The following ADCY2 variants were observed in gnomAD, a reference collection of about 807,000 sequenced individuals.
ADCY2 encodes adenylate cyclase type 2.
A neutral mutation model predicts 125.2 loss-of-function variants in ADCY2; 31 were observed. The observed-to-expected ratio is 0.25, with a 90% CI of 0.19 to 0.33. The LOEUF (loss-of-function observed/expected upper bound fraction) is 0.33. Among genes scored for constraint, ADCY2 ranks in the 10% least tolerant of loss-of-function variants. ADCY2 has a pLI of 1.00. For synonymous variants in ADCY2, 512 were observed against 548.4 expected, an observed-to-expected ratio of 0.93 and a Z score of 0.93; for missense variants, 904 against 1,418.2, an observed-to-expected ratio of 0.64 and a Z score of 5.82.
chr5:7,541,224 C>A (rs1734983803), intron 3 of ADCY2, among the ~76,000 whole-genome samples: 1 of 152,110 alleles, frequency 6.6e-6, no homozygotes, highest in African/African-American at 2.4e-5. Flanking sequence ...GAAAATGTAG[C>A]CTGCAGGGTT....
At chr5:7,795,651 G>A (rs1008405258) in intron 20 of ADCY2, 1 of 152,218 alleles carries the variant, frequency 6.6e-6, no homozygotes. Context: ...TGGTGATACT[G>A]CTCTGTGAGT....
chr5:7,581,307 AACAC>A (rs111407808), intron 3 of ADCY2, among the ~76,000 whole-genome samples: 1 of 152,152 alleles, frequency 6.6e-6, no homozygotes, highest in African/African-American at 2.4e-5. Context: ...CACACATACA[AACAC>A]ACATATATTT....
intron 3 of ADCY2, among the ~76,000 whole-genome samples, chr5:7,606,605 A>T (rs762608511): frequency 6.6e-6 from 1 of 152,158 alleles, no homozygotes; most frequent in Non-Finnish European, 1.5e-5. Context: ...CTGAAGTGTG[A>T]TCCCCTCATT....
chr5:7,546,021 A>T (rs1735136651), intron 3 of ADCY2, among the ~76,000 whole-genome samples: 1 of 152,232 alleles, frequency 6.6e-6, no homozygotes, highest in Non-Finnish European at 1.5e-5. Context: ...CTTCTGTCTT[A>T]GGAAGCCATC....
chr5:7,491,596 A>G (rs1164501614), intron 2 of ADCY2, among the ~76,000 whole-genome samples: 1 of 152,320 alleles, frequency 6.6e-6, no homozygotes, highest in Non-Finnish European at 1.5e-5. Flanking sequence ...TGCATTATAT[A>G]TAGAAAAACA....
rs917800550 is a variant in ADCY2, at chr5:7,664,624, C to T, written c.721-26067C>T. Among the ~76,000 whole-genome samples the T allele has an allele frequency of 2.0e-5, 3 of 152,152 alleles. No homozygotes were observed. In the East Asian group the frequency reaches 5.8e-4, roughly 29 times the overall value. On this transcript the variant is annotated intron_variant, in intron 4 of 24. Transcript: ENST00000338316. ...ATCTGAGCATAACGAGGAAGAAAAT[C>T]AAAATGTTTTACCCCAAAATATATT...
At chr5:7,570,694 T>G (rs1736041146) in intron 3 of ADCY2, among the ~76,000 whole-genome samples, 1 of 151,438 alleles carries the variant, frequency 6.6e-6, no homozygotes, top group Non-Finnish European at 1.5e-5. Flanking sequence ...ATATTTGAAC[T>G]CCACACTACA....
chr5:7,466,161 TTATC>T (rs771515503), intron 2 of ADCY2, among the ~76,000 whole-genome samples: 33 of 152,342 alleles, frequency 2.2e-4, no homozygotes, highest in Non-Finnish European at 3.5e-4. Context: ...AGACAAATGT[TTATC>T]TATGACTGCT....
At chr5:7,703,048 A>T (rs1408404744) in intron 7 of ADCY2, among the ~76,000 whole-genome samples, 3 of 152,134 alleles carry the variant, frequency 2.0e-5, no homozygotes, top group Non-Finnish European at 4.4e-5. Flanking sequence ...GTCTGTTCAT[A>T]TCCTTTGCCC....
chr5:7,719,999 C>T (rs759475919), intron 12 of ADCY2, among the ~76,000 whole-genome samples: 10 of 145,048 alleles, frequency 6.9e-5, no homozygotes, highest in South Asian at 2.4e-4. Flanking sequence ...CTTTAGTTTC[C>T]GTAACCTCTT....
intron 3 of ADCY2, among the ~76,000 whole-genome samples, chr5:7,565,949 G>A (rs933015837): frequency 6.6e-6 from 1 of 152,158 alleles, no homozygotes; most frequent in Non-Finnish European, 1.5e-5. Flanking sequence ...AACCTGCTTT[G>A]AGAAAGCTCA....
chr5:7,635,788 C>G (rs1414207255), intron 4 of ADCY2, among the ~76,000 whole-genome samples: 1 of 152,126 alleles, frequency 6.6e-6, no homozygotes, highest in African/African-American at 2.4e-5. Context: ...GATGAAGAAG[C>G]CCAAGTCACT....
At chr5:7,583,826 A>G (rs10070238) in intron 3 of ADCY2, among the ~76,000 whole-genome samples, 92,857 of 151,928 alleles carry the variant, frequency 0.61, 29,313 homozygotes, top group Non-Finnish European at 0.69. Flanking sequence ...GGAACAGCTG[A>G]AGTGTCCAGG....
intron 2 of ADCY2, among the ~76,000 whole-genome samples, chr5:7,443,024 A>C (rs186208309): frequency 1.1e-4 from 16 of 152,296 alleles, no homozygotes; most frequent in Non-Finnish European, 2.1e-4. Flanking sequence ...TCACTTCTGC[A>C]TCCTTGGACA....
At chr5:7,664,864 C>T (rs949244954) in intron 4 of ADCY2, among the ~76,000 whole-genome samples, 2 of 152,168 alleles carry the variant, frequency 1.3e-5, no homozygotes, top group Admixed American at 6.5e-5. Flanking sequence ...ACAACTTGGT[C>T]TCCACAGTCC....
intron 3 of ADCY2, among the ~76,000 whole-genome samples, chr5:7,592,283 A>G (rs1324540954): frequency 6.6e-6 from 1 of 152,214 alleles, no homozygotes; most frequent in African/African-American, 2.4e-5. Context: ...GACTCTAGAA[A>G]TGTTTTCTTT....
chr5:7,512,563 A>G (rs1744107919), intron 2 of ADCY2, among the ~76,000 whole-genome samples: 1 of 152,176 alleles, frequency 6.6e-6, no homozygotes, highest in African/African-American at 2.4e-5. Context: ...AGAAGGACAG[A>G]GATTCATTGG....
intron 2 of ADCY2, among the ~76,000 whole-genome samples, chr5:7,456,698 G>A (rs977685842): frequency 1.4e-4 from 22 of 152,006 alleles, no homozygotes; most frequent in African/African-American, 5.1e-4. Flanking sequence ...TTGTATTGGG[G>A]GTAATTCATG....
Position 7,414,663 on chromosome 5 carries a change from G to A in ADCY2, c.301G>A (p.Val101Met). Residue 101 changes from valine (V) to methionine (M), a missense_variant, in exon 2 of 25, where the codon GTG becomes ATG. Val to Met is a conservative substitution (Grantham distance 21). This residue lies in a region of ADCY2 where 121 missense variants were observed against 161.5 expected (regional missense o/e 0.75). Transcript: ENST00000338316. ...ATTTATCCTGGTCTGCATCGAGTCT[G>A]TGTTTAAGAAGCTGCTGCGCCTCTT... The part of the protein sequence containing the change: ...AIFILVCIES[V>M]FKKLLRLFSL... 1 of 1,613,666 alleles carries A rather than the reference G, an allele frequency of 6.2e-7. No homozygotes were observed. The highest frequency in any genetic ancestry group is 8.5e-7 in the Non-Finnish European group (1 of 1,179,888).
Sources: allele counts gnomAD v4.1 joint callset (sites outside exome capture counted in the v4.1 genomes callset), GRCh38; gene constraint gnomAD v4.1.1; regional missense constraint gnomAD v4.1.1; transcripts MANE v1.5; gene names NCBI Gene and HGNC (gene_info 2026-07-23, HGNC 2026-07-21).